SHC3: variants seen among roughly 807,000 people sequenced by gnomAD.
SHC3 encodes the protein SHC-transforming protein 3.
A neutral mutation model predicts 60.4 loss-of-function variants in SHC3; 15 were observed. The ratio of observed to expected loss-of-function variants is 0.25; its 90% CI spans 0.17 to 0.38. The LOEUF (loss-of-function observed/expected upper bound fraction) is 0.38, where lower values mean the gene tolerates loss of function less well. Among genes scored for constraint, SHC3 ranks in the 10% least tolerant of loss-of-function variants. The pLI, the probability that SHC3 is intolerant of heterozygous loss-of-function variation, is 1.00. For missense variants in SHC3, 677 were observed against 786.1 expected (o/e 0.86, Z 1.66); for synonymous variants, 294 against 325.9 (o/e 0.90, Z 1.05).
intron 7 of SHC3, among the ~76,000 whole-genome samples, chr9:89,048,958 T>C (rs911582907): frequency 6.6e-6 from 1 of 152,052 alleles, no homozygotes; most frequent in Non-Finnish European, 1.5e-5. Flanking sequence ...TTGTCACTGC[T>C]CTGCTTTAGA....
rs1204640452 is a variant in SHC3 at position 89,135,041 on chromosome 9, T to C, written c.475-22415A>G. 3.3e-5 allele frequency among the ~76,000 whole-genome samples: 5 copies of C among 152,188 alleles called. No homozygotes were observed. In the East Asian group the frequency reaches 9.6e-4, roughly 29 times the overall value. ...TTCTCTTTATGTGATTTCTCCAGAATTTAGAAATTATTTTTGAGTAATCTT... is the reference window on the plus strand; with the variant it reads ...TTCTCTTTATGTGATTTCTCCAGAACTTAGAAATTATTTTTGAGTAATCTT... On this transcript the variant is annotated intron_variant, in intron 1 of 11. Coordinates refer to ENST00000375835, the MANE Select transcript of SHC3 (RefSeq NM_016848.6).
At chr9:89,041,159 G>A (rs774491891) in intron 10 of SHC3, among the ~76,000 whole-genome samples, 11 of 152,196 alleles carry the variant, frequency 7.2e-5, no homozygotes, top group Non-Finnish European at 1.3e-4. Flanking sequence ...AATATGAAAA[G>A]CAAATTTAGC....
At chr9:89,073,414 T>C (rs1390458002) in intron 4 of SHC3, among the ~76,000 whole-genome samples, 1 of 152,160 alleles carries the variant, frequency 6.6e-6, no homozygotes, top group Non-Finnish European at 1.5e-5. Flanking sequence ...AGGAACTCTG[T>C]AGAGGGGAGC....
intron 5 of SHC3, among the ~76,000 whole-genome samples, chr9:89,070,675 T>C (rs1825255997): frequency 6.6e-6 from 1 of 152,234 alleles, no homozygotes; most frequent in Admixed American, 6.5e-5. Context: ...TGTTCTCGAG[T>C]CTTCTTCTTA....
At chr9:89,075,323 G>C in intron 3 of SHC3, 95 bp from the exon 4 acceptor site, 2 of 1,494,910 alleles carry the variant, frequency 1.3e-6, no homozygotes, top group South Asian at 2.6e-5. Flanking sequence ...CTCACTAACT[G>C]TTCCTCCCTC....
intron 10 of SHC3, 108 bp from the exon 11 acceptor site, chr9:89,038,396 CT>C (rs1824621336): frequency 1.6e-6 from 2 of 1,233,168 alleles, no homozygotes; most frequent in Non-Finnish European, 2.2e-6. Context: ...AAGGCAACTC[CT>C]CCAGAAGGGG....
intron 2 of SHC3, among the ~76,000 whole-genome samples, chr9:89,089,717 C>T (rs545287436): frequency 1.4e-3 from 220 of 152,342 alleles, no homozygotes; most frequent in African/African-American, 5.0e-3. Context: ...GGCTTCAGAG[C>T]CACTTTTTCC....
intron 5 of SHC3, 84 bp downstream of exon 5, chr9:89,071,115 G>T: frequency 1.5e-6 from 2 of 1,311,628 alleles, no homozygotes; most frequent in Non-Finnish European, 2.2e-6. Flanking sequence ...TTTTTACAGT[G>T]TCTTGCAAGG....
chr9:89,160,421 AT>A (rs1027599760), intron 1 of SHC3, among the ~76,000 whole-genome samples: 5 of 151,868 alleles, frequency 3.3e-5, no homozygotes, highest in African/African-American at 7.3e-5. Context: ...TAGAACATAG[AT>A]TTTTTTTCCC....
intron 5 of SHC3, among the ~76,000 whole-genome samples, chr9:89,066,745 A>T (rs1022087947): frequency 6.6e-6 from 1 of 152,202 alleles, no homozygotes; most frequent in African/African-American, 2.4e-5. Context: ...AGCACCTAAA[A>T]GGCTCTGTCG....
Position 89,038,029 on chromosome 9 carries a change from C to T in SHC3, c.1620G>A (p.Gln540=). 6.2e-7 allele frequency: 1 copy of T among 1,612,660 alleles called. No individual in the cohort carries two copies. The highest frequency in any genetic ancestry group is 1.1e-5 in the South Asian group (1 of 91,086). Residue 540 remains glutamine (Q), a synonymous_variant, in exon 11 of 12, where the codon CAG becomes CAA. Transcript: ENST00000375835. The stretch of plus-strand genomic sequence containing the variant: ...GGTCCACGAGCAGCAGGTGCTTGGC[C>T]TGGCCATTGTGCATGCCCGTGAGGA... The part of the protein sequence containing the change: ...SFVLTGMHNG[Q]AKHLLLVDPE...
intron 1 of SHC3, among the ~76,000 whole-genome samples, chr9:89,168,951 T>C (rs373210901): frequency 2.0e-5 from 3 of 152,216 alleles, no homozygotes; most frequent in South Asian, 4.2e-4. Context: ...GACTGAAACA[T>C]TGGCTTTTCC....
chr9:89,109,784 G>A lies in SHC3; in HGVS notation c.545+2772C>T, dbSNP rs116820318. On this transcript the variant is annotated intron_variant, in intron 2 of 11. Transcript: ENST00000375835. Reference sequence around the variant, plus strand: ...CTCACCAGGGCTTGTTTGCTCTTTTGTTCAGACTCAAAGCCATGCTGAATG... The same window carrying A: ...CTCACCAGGGCTTGTTTGCTCTTTTATTCAGACTCAAAGCCATGCTGAATG... 3.0e-4 allele frequency: 295 copies of A among 985,406 alleles called. No homozygotes were observed. The African/African-American group carries it at 4.9e-3, about 16-fold the overall frequency. The allele number at this position is 985,406 out of a possible 1,614,324, so 61.0% of individuals were successfully genotyped here. A position where few individuals can be genotyped will look rare whatever the true frequency, so the allele number is the denominator to read the frequency against.
chr9:89,020,048 T>C (rs1339465415), intron 11 of SHC3, among the ~76,000 whole-genome samples: 2 of 152,164 alleles, frequency 1.3e-5, no homozygotes, highest in Non-Finnish European at 2.9e-5. Context: ...GATTTGATTT[T>C]TGTAGACCTT....
intron 1 of SHC3, among the ~76,000 whole-genome samples, chr9:89,153,162 T>A (rs1279308618): frequency 1.3e-5 from 2 of 152,234 alleles, no homozygotes; most frequent in Admixed American, 1.3e-4. Context: ...ATCATTTATT[T>A]TAAGGGGTCC....
At chr9:89,022,515 T>C (rs895792468) in intron 11 of SHC3, among the ~76,000 whole-genome samples, 2 of 152,180 alleles carry the variant, frequency 1.3e-5, no homozygotes, top group Non-Finnish European at 2.9e-5. Context: ...AGTAAGGAAT[T>C]TCCCCCTCTA....
intron 1 of SHC3, among the ~76,000 whole-genome samples, chr9:89,162,788 C>A (rs1351150089): frequency 6.7e-6 from 1 of 148,836 alleles, no homozygotes; most frequent in Non-Finnish European, 1.5e-5. Flanking sequence ...AAAGAAACTA[C>A]CATCAGAGTG....
At chr9:89,131,636 A>G (rs1826245936) in intron 1 of SHC3, among the ~76,000 whole-genome samples, 1 of 152,224 alleles carries the variant, frequency 6.6e-6, no homozygotes, top group South Asian at 2.1e-4. Flanking sequence ...TCCATCATAT[A>G]AACAGAACCA....
At chr9:89,171,122 CATCT>C (rs1478975698) in intron 1 of SHC3, among the ~76,000 whole-genome samples, 4 of 152,104 alleles carry the variant, frequency 2.6e-5, no homozygotes, top group Admixed American at 6.6e-5. Context: ...AAATAAAAGC[CATCT>C]GTGACTCCTG....
Sources: allele counts gnomAD v4.1 joint callset (sites outside exome capture counted in the v4.1 genomes callset), GRCh38; gene constraint gnomAD v4.1.1; transcripts MANE v1.5; gene names NCBI Gene and HGNC (gene_info 2026-07-23, HGNC 2026-07-21).